The following TEC variants were observed in gnomAD, a reference collection of about 807,000 sequenced individuals.
The protein encoded by TEC is tec protein tyrosine kinase.
Under a neutral mutation model 93.0 loss-of-function variants are expected in TEC, and 72 were observed. The ratio of observed to expected loss-of-function variants is 0.77; its 90% CI spans 0.64 to 0.94. The LOEUF is 0.94. Among genes scored for constraint, TEC ranks in the 40% least tolerant of loss-of-function variants. The pLI is 0.00. For missense variants in TEC, 630 were observed against 757.9 expected (o/e 0.83, Z 1.98); for synonymous variants, 249 against 247.7 (o/e 1.01, Z -0.05).
intron 2 of TEC, among the ~76,000 whole-genome samples, chr4:48,192,632 C>CA (rs1337234893): frequency 6.6e-6 from 1 of 151,358 alleles, no homozygotes; most frequent in African/African-American, 2.4e-5. Flanking sequence ...CTTAAAACTG[C>CA]AATAACAACA....
intron 3 of TEC, among the ~76,000 whole-genome samples, chr4:48,175,270 T>C (rs1456058716): frequency 6.6e-6 from 1 of 152,196 alleles, no homozygotes; most frequent in Non-Finnish European, 1.5e-5. Flanking sequence ...AATTGATAAC[T>C]TCATAAGAGC....
chr4:48,205,986 A>G (rs1722702082), intron 2 of TEC, among the ~76,000 whole-genome samples: 1 of 152,234 alleles, frequency 6.6e-6, no homozygotes, highest in Admixed American at 6.5e-5. Context: ...TACCCATGCA[A>G]TGGAGCCATG....
At chr4:48,157,149 G>A (rs996160787) in intron 8 of TEC, among the ~76,000 whole-genome samples, 4 of 152,106 alleles carry the variant, frequency 2.6e-5, no homozygotes, top group African/African-American at 9.7e-5. Context: ...CTAGAATCAT[G>A]GCAAGAATGA....
chr4:48,256,127 T>A (rs1318071924), intron 1 of TEC, among the ~76,000 whole-genome samples: 1 of 152,134 alleles, frequency 6.6e-6, no homozygotes, highest in African/African-American at 2.4e-5. Context: ...GTGACAGTAT[T>A]TCTGGGGGAG....
At chr4:48,239,727 A>AC (rs1553895161) in intron 1 of TEC, among the ~76,000 whole-genome samples, 2 of 151,466 alleles carry the variant, frequency 1.3e-5, no homozygotes, top group African/African-American at 4.9e-5. Context: ...AGTACATTCA[A>AC]TTTTTTTTTA....
chr4:48,179,376 A>ATATATATATATATATATT (rs1560393438), intron 2 of TEC, among the ~76,000 whole-genome samples: 1 of 21,164 alleles, frequency 4.7e-5, no homozygotes, highest in Non-Finnish European at 8.4e-5. Context: ...ATATATATAT[A>ATATATATATATATATATT]TTTTTTTTTT....
chr4:48,221,145 C>T (rs1281575011), intron 2 of TEC, among the ~76,000 whole-genome samples: 1 of 152,178 alleles, frequency 6.6e-6, no homozygotes, highest in African/African-American at 2.4e-5. Context: ...AGGGTGAGGT[C>T]CAGAAGGGTC....
At chr4:48,250,482 A>G (rs1724171421) in intron 1 of TEC, among the ~76,000 whole-genome samples, 2 of 152,180 alleles carry the variant, frequency 1.3e-5, no homozygotes, top group African/African-American at 4.8e-5. Flanking sequence ...GGATATACCT[A>G]TGTAACTTAC....
intron 2 of TEC, among the ~76,000 whole-genome samples, chr4:48,179,382 T>A (rs1352132488): frequency 2.7e-4 from 29 of 106,016 alleles, no homozygotes; most frequent in Middle Eastern, 4.4e-3. Context: ...ATATATTTTT[T>A]TTTTTTTTTT....
At chr4:48,256,062 G>C (rs1477819799) in intron 1 of TEC, among the ~76,000 whole-genome samples, 1 of 152,192 alleles carries the variant, frequency 6.6e-6, no homozygotes, top group Non-Finnish European at 1.5e-5. Context: ...ATACAATTAT[G>C]AATAACACAC....
In TEC at chr4:48,227,341, CAG is replaced by C. The variant is rs1232690353; in HGVS notation, c.138+1134_138+1135del. Among the ~76,000 whole-genome samples the C allele has an allele frequency of 1.1e-4, 17 of 151,912 alleles. No individual in the cohort carries two copies. In the East Asian group the frequency reaches 2.9e-3, roughly 26 times the overall value. On this transcript the variant is annotated intron_variant, in intron 2 of 17. Transcript: ENST00000381501. Reference sequence around the variant, plus strand: ...TGAGGAAGATACTCTAGAAAAAAAACAGAATGAAAACTAAACCAGGGCCGGGT... The same window carrying C: ...TGAGGAAGATACTCTAGAAAAAAAACAATGAAAACTAAACCAGGGCCGGGT...
chr4:48,163,590 AC>A, intron 8 of TEC, 111 bp downstream of exon 8: 1 of 669,918 alleles, frequency 1.5e-6, no homozygotes. Flanking sequence ...ATATTTTAGC[AC>A]CCCCTTCAAA....
chr4:48,153,838 C>A (rs1016131817), intron 9 of TEC, among the ~76,000 whole-genome samples: 22 of 152,172 alleles, frequency 1.4e-4, no homozygotes, highest in African/African-American at 4.8e-4. Flanking sequence ...GCAAGGCATA[C>A]ACAAGGGAAT....
intron 3 of TEC, among the ~76,000 whole-genome samples, chr4:48,175,803 C>T (rs887134800): frequency 1.3e-5 from 2 of 152,144 alleles, no homozygotes; most frequent in Non-Finnish European, 2.9e-5. Context: ...TCATCACAAG[C>T]AGCCTTTTAA....
At chr4:48,152,484 T>A (rs1330864322) in intron 9 of TEC, among the ~76,000 whole-genome samples, 1 of 151,442 alleles carries the variant, frequency 6.6e-6, no homozygotes, top group Non-Finnish European at 1.5e-5. Context: ...AAATACAGTC[T>A]AACAGCAACC....
At chr4:48,226,626 T>A (rs1298934563) in intron 2 of TEC, among the ~76,000 whole-genome samples, 1 of 152,078 alleles carries the variant, frequency 6.6e-6, no homozygotes, top group East Asian at 1.9e-4. Flanking sequence ...TATATATATA[T>A]AACATACCAA....
At chr4:48,181,843 T>C (rs1056339919) in intron 2 of TEC, among the ~76,000 whole-genome samples, 1 of 152,140 alleles carries the variant, frequency 6.6e-6, no homozygotes, top group African/African-American at 2.4e-5. Flanking sequence ...AGTGGGGCCC[T>C]TTAGGAATAA....
intron 2 of TEC, among the ~76,000 whole-genome samples, chr4:48,179,781 G>GA (rs1278403304): frequency 1.3e-5 from 2 of 152,044 alleles, no homozygotes; most frequent in African/African-American, 2.4e-5. Flanking sequence ...TAGATGCAAA[G>GA]AAAAAACACA....
intron 2 of TEC, among the ~76,000 whole-genome samples, chr4:48,212,132 T>C (rs1722932547): frequency 6.9e-6 from 1 of 145,804 alleles, no homozygotes; most frequent in Admixed American, 7.0e-5. Context: ...TATATATATA[T>C]GTATATAAAA....
Sources: gnomAD v4.1 joint callset for allele counts (sites outside exome capture counted in the v4.1 genomes callset) on GRCh38, gnomAD v4.1.1 for gene constraint, MANE v1.5 for transcripts, NCBI Gene and HGNC (gene_info 2026-07-23, HGNC 2026-07-21) for gene names.